The following SUFU variants were observed in gnomAD, a reference collection of about 807,000 sequenced individuals.
The protein encoded by SUFU is SUFU negative regulator of hedgehog signaling.
A neutral mutation model predicts 58.9 loss-of-function variants in SUFU; 7 were observed. That is an observed-to-expected ratio of 0.12 (90% CI 0.07 to 0.22). SUFU has a LOEUF of 0.22. Ranked by LOEUF, SUFU falls within the 10% of genes least tolerant of loss-of-function variation. The probability of loss-of-function intolerance (pLI) is 1.00; values close to 1 mark genes in which losing one functional copy is unlikely to be tolerated. For synonymous variants in SUFU, 232 were observed against 254.8 expected (o/e 0.91, Z 0.85); for missense variants, 451 against 641.3 (o/e 0.70, Z 3.20).
chr10:102,563,765 G>A (rs2063062034), intron 3 of SUFU, among the ~76,000 whole-genome samples: 1 of 151,718 alleles, frequency 6.6e-6, no homozygotes, highest in Non-Finnish European at 1.5e-5. Flanking sequence ...TTTGGGGAGT[G>A]AAGTCCTTTT....
rs1185874495 is a variant in SUFU, at chr10:102,629,371, G to T, written c.1366-695G>T. ...GGCAAATCAGTGTATCCTGGGATGG[G>T]GTGGGAGACATTTGGCTCTCCTTGG... On this transcript the variant is annotated intron_variant, in intron 11 of 11. Coordinates refer to ENST00000369902, the MANE Select transcript of SUFU (RefSeq NM_016169.4). The surrounding 1 kb of genome is among the most constrained non-coding windows in gnomAD (Gnocchi z 4.7). 6.6e-6 allele frequency among the ~76,000 whole-genome samples: 1 copy of T among 152,208 alleles called. No homozygotes were observed. Among genetic ancestry groups the T allele is most frequent in the East Asian group, 1.9e-4 (1 of 5,186 alleles).
intron 2 of SUFU, among the ~76,000 whole-genome samples, chr10:102,542,389 C>G (rs2062812100): frequency 6.6e-6 from 1 of 151,554 alleles, no homozygotes; most frequent in South Asian, 2.1e-4. Flanking sequence ...CCTCGGCCTC[C>G]CAAAGTGCTG....
Position 102,631,117 on chromosome 10 carries a change from C to G in SUFU, c.*962C>G, listed in dbSNP as rs1307073540. 1.7e-5 allele frequency: 4 copies of G among 233,352 alleles called. No individual in the cohort carries two copies. The highest frequency in any genetic ancestry group is 8.8e-5 in the African/African-American group (4 of 45,342). 14.5% of individuals were successfully genotyped at this position (233,352 alleles called of 1,614,324 possible). A position where few individuals can be genotyped will look rare whatever the true frequency, so the allele number is the denominator to read the frequency against. ...CACCATCCCCACTGTCATTCAGGGC[C>G]TGGGTCTCCAGCTCTGTAACCAGTC... On this transcript the variant is annotated 3_prime_UTR_variant, in exon 12 of 12. Coordinates refer to ENST00000369902, the MANE Select transcript of SUFU (RefSeq NM_016169.4).
At chr10:102,524,034 T>C (rs1323246184) in intron 2 of SUFU, among the ~76,000 whole-genome samples, 1 of 152,200 alleles carries the variant, frequency 6.6e-6, no homozygotes, top group African/African-American at 2.4e-5. Context: ...CTTCATACCT[T>C]ACCTCACTTC....
At chr10:102,503,082 C>T (rs919822954), upstream of SUFU, among the ~76,000 whole-genome samples, 1 of 152,190 alleles carries the variant, frequency 6.6e-6, no homozygotes, top group Non-Finnish European at 1.5e-5. Context: ...GCCACTCCCC[C>T]CGACGTTCCC....
At position 102,519,383 on chromosome 10, in the gene SUFU, C is replaced by G. The variant is rs183582224; in HGVS notation, c.317+10080C>G. The stretch of plus-strand genomic sequence containing the variant: ...ACTAAAAAAAACCACGAAAATTAGC[C>G]GGGCCTGTTGGCGGGCACCTGTAAT... On this transcript the variant is annotated intron_variant, in intron 2 of 11. Coordinates refer to ENST00000369902, the MANE Select transcript of SUFU (RefSeq NM_016169.4). Among the ~76,000 whole-genome samples, 656 of 151,838 alleles carry G rather than the reference C, an allele frequency of 4.3e-3. 6 individuals are homozygous for G. The highest frequency in any genetic ancestry group is 0.015 in the African/African-American group (624 of 41,420).
chr10:102,597,156 G>C lies in SUFU; in HGVS notation c.773G>C (p.Gly258Ala). The C allele has an allele frequency of 6.2e-7, 1 of 1,613,984 alleles. No homozygotes were observed. The change falls in exon 7 of 12, where the codon GGC becomes GCC. Residue 258 changes from glycine (G) to alanine (A), a missense_variant. Gly to Ala is a moderately conservative substitution (Grantham distance 60). Coordinates refer to ENST00000369902, the MANE Select transcript of SUFU (RefSeq NM_016169.4). Reference protein sequence around the residue: ...DPHLQERVDKGIETDGSNLSG... With the variant: ...DPHLQERVDKAIETDGSNLSG... ...TTCAAGCAGGAGAGAGTTGACAAAG[G>C]CATCGAGACAGATGGCTCCAACCTG...
At chr10:102,527,614 T>C (rs982235535) in intron 2 of SUFU, among the ~76,000 whole-genome samples, 9 of 152,136 alleles carry the variant, frequency 5.9e-5, no homozygotes, top group Non-Finnish European at 8.8e-5. Context: ...AATACCATCT[T>C]ATCTTGTTGA....
intron 3 of SUFU, among the ~76,000 whole-genome samples, chr10:102,585,495 G>T (rs1210355326): frequency 6.6e-6 from 1 of 151,900 alleles, no homozygotes; most frequent in Non-Finnish European, 1.5e-5. Flanking sequence ...TCTCATTGTG[G>T]GTTTTCTGTT....
At chr10:102,511,264 AAAAT>A (rs1469146288) in intron 2 of SUFU, among the ~76,000 whole-genome samples, 11 of 152,156 alleles carry the variant, frequency 7.2e-5, no homozygotes, top group Non-Finnish European at 1.0e-4. Flanking sequence ...AATTAAAAAT[AAAAT>A]AAATAGTCTT....
intron 1 of SUFU, 145 bp downstream of exon 1, chr10:102,504,479 A>C: frequency 4.0e-6 from 6 of 1,489,236 alleles, no homozygotes; most frequent in Middle Eastern, 2.2e-4. Flanking sequence ...CGAGGGAAGG[A>C]GTTAAGGCTC....
intron 3 of SUFU, among the ~76,000 whole-genome samples, chr10:102,580,493 G>T (rs1040913505): frequency 1.3e-5 from 2 of 152,182 alleles, no homozygotes; most frequent in African/African-American, 4.8e-5. Context: ...TTGGCTTGGG[G>T]AGGGGGTATG....
rs2062287648 is a variant in SUFU at position 102,504,143 on chromosome 10, A to T, written c.-10A>T. ...CTCCAGTTCCCCCAGTGCCTGCCCT[A>T]CGCACCCCGATGGCGGAGCTGCGGC... On this transcript the variant is annotated 5_prime_UTR_variant, in exon 1 of 12. Coordinates refer to ENST00000369902, the MANE Select transcript of SUFU (RefSeq NM_016169.4). 2 of 1,538,992 alleles carry T rather than the reference A, an allele frequency of 1.3e-6. No homozygotes were observed. The highest frequency in any genetic ancestry group is 2.0e-5 in the Admixed American group (1 of 50,650).
intron 2 of SUFU, among the ~76,000 whole-genome samples, chr10:102,533,180 T>TA (rs2062695591): frequency 1.3e-5 from 2 of 152,124 alleles, no homozygotes; most frequent in Admixed American, 6.6e-5. Context: ...ATTGCTGCCA[T>TA]AAAAAATTAC....
intron 2 of SUFU, among the ~76,000 whole-genome samples, chr10:102,519,065 C>T (rs1050947993): frequency 2.2e-4 from 31 of 143,612 alleles, no homozygotes; most frequent in African/African-American, 6.7e-4. Context: ...GGCATGAACC[C>T]GGGGGGCGGA....
chr10:102,596,255 C>T (rs1296667050), intron 6 of SUFU, among the ~76,000 whole-genome samples: 1 of 152,186 alleles, frequency 6.6e-6, no homozygotes, highest in Non-Finnish European at 1.5e-5. Flanking sequence ...AGCCGGGAAG[C>T]ACAGATTATT....
intron 3 of SUFU, among the ~76,000 whole-genome samples, chr10:102,553,171 G>A (rs1164620422): frequency 1.3e-5 from 2 of 152,104 alleles, no homozygotes; most frequent in African/African-American, 2.4e-5. Context: ...TAAATAACAG[G>A]TAAAACAAAT....
rs2062283719 is a variant in SUFU, at chr10:102,503,973, G to A, written c.-180G>A. 1 of 883,988 alleles carries A rather than the reference G, an allele frequency of 1.1e-6. No homozygotes were observed. Among genetic ancestry groups the A allele is most frequent in the East Asian group, 3.2e-5 (1 of 30,918 alleles). The allele number at this position is 883,988 out of a possible 1,614,324, so 54.8% of individuals were successfully genotyped here. ...CGCCGCCCCGAGGCACCCTCTGGCA[G>A]ACTCGGCGGCGGCGACAGCCTGGGC... On this transcript the variant is annotated 5_prime_UTR_variant, in exon 1 of 12. Transcript: ENST00000369902.
At chr10:102,585,531 G>T (rs2063327178) in intron 3 of SUFU, among the ~76,000 whole-genome samples, 1 of 152,030 alleles carries the variant, frequency 6.6e-6, no homozygotes, top group South Asian at 2.1e-4. Flanking sequence ...TTTTGAGACA[G>T]GGTCTCACTC....
Sources: gnomAD v4.1 joint callset for allele counts (sites outside exome capture counted in the v4.1 genomes callset) on GRCh38, gnomAD v4.1.1 for gene constraint, Gnocchi (gnomAD v3.1) non-coding constraint, MANE v1.5 for transcripts, NCBI Gene and HGNC (gene_info 2026-07-23, HGNC 2026-07-21) for gene names.